CHRNA9: variants seen among roughly 807,000 people sequenced by gnomAD.
The protein encoded by CHRNA9 is neuronal acetylcholine receptor subunit alpha-9.
Under a neutral mutation model 36.8 loss-of-function variants are expected in CHRNA9, and 24 were observed. That is an observed-to-expected ratio of 0.65 (90% CI 0.47 to 0.92). The LOEUF (loss-of-function observed/expected upper bound fraction) is 0.92. Among genes scored for constraint, CHRNA9 ranks in the 40% least tolerant of loss-of-function variants. The probability of loss-of-function intolerance (pLI) is 0.00; values close to 1 mark genes in which losing one functional copy is unlikely to be tolerated. For missense variants in CHRNA9, 610 were observed against 601.2 expected (o/e 1.01, Z -0.15); for synonymous variants, 231 against 231.8 (o/e 1.00, Z 0.03).
At chr4:40,344,252 T>C (rs1712575784) in intron 3 of CHRNA9, among the ~76,000 whole-genome samples, 1 of 152,212 alleles carries the variant, frequency 6.6e-6, no homozygotes, top group African/African-American at 2.4e-5. Context: ...CATTAGGGGC[T>C]GGGCACGGTG....
intron 3 of CHRNA9, among the ~76,000 whole-genome samples, chr4:40,348,353 A>T (rs183888464): frequency 6.6e-6 from 1 of 152,362 alleles, no homozygotes; most frequent in Admixed American, 6.5e-5. Flanking sequence ...GCAAAAGAAG[A>T]TATATCTGGA....
chr4:40,344,501 C>T (rs1163132019), intron 3 of CHRNA9, among the ~76,000 whole-genome samples: 2 of 151,426 alleles, frequency 1.3e-5, no homozygotes, highest in African/African-American at 4.9e-5. Context: ...ACCACTGCAC[C>T]CCAGCCTGGG....
chr4:40,349,010 A>G lies in CHRNA9; in HGVS notation c.494A>G (p.Asp165Gly). The change falls in exon 4 of 5, where the codon GAC becomes GGC. Residue 165 changes from aspartate to glycine, a missense_variant. By Grantham distance (94) the Asp-to-Gly change is moderately conservative. Transcript: ENST00000310169. ...CVVDVTYFPF[D>G]NQQCNLTFGS... The stretch of plus-strand genomic sequence containing the variant: ...GTGGATGTCACCTACTTCCCTTTTG[A>G]CAACCAGCAGTGCAACCTGACTTTT... 3.1e-6 allele frequency: 5 copies of G among 1,614,218 alleles called. No individual in the cohort carries two copies. Among genetic ancestry groups the G allele is most frequent in the Non-Finnish European group, 4.2e-6 (5 of 1,180,030 alleles).
intron 3 of CHRNA9, 148 bp from the exon 4 acceptor site, chr4:40,348,734 T>C (rs1472960365): frequency 7.2e-6 from 5 of 692,374 alleles, no homozygotes; most frequent in Admixed American, 5.6e-5. Context: ...AAATTAGAGT[T>C]GATTCCAGAC....
intron 4 of CHRNA9, among the ~76,000 whole-genome samples, chr4:40,350,242 T>A (rs1712763672): frequency 6.6e-6 from 1 of 152,164 alleles, no homozygotes; most frequent in African/African-American, 2.4e-5. Flanking sequence ...ATTTAGCAAC[T>A]TGGCCGAGAT....
At chr4:40,351,493 G>A (rs1712804235) in intron 4 of CHRNA9, among the ~76,000 whole-genome samples, 1 of 151,928 alleles carries the variant, frequency 6.6e-6, no homozygotes, top group South Asian at 2.1e-4. Context: ...ATCTTTTTAG[G>A]AAAAGTGCCC....
At chr4:40,341,845 C>G (rs1712509944) in intron 3 of CHRNA9, among the ~76,000 whole-genome samples, 1 of 152,138 alleles carries the variant, frequency 6.6e-6, no homozygotes, top group Non-Finnish European at 1.5e-5. Context: ...ACAAAGTGAT[C>G]CTCTCACTTC....
Position 40,349,290 on chromosome 4 carries a change from T to C in CHRNA9, c.774T>C (p.Ser258=). The C allele has an allele frequency of 1.9e-6, 3 of 1,614,012 alleles. No homozygotes were observed. The Admixed American group carries it at 5.0e-5, about 27-fold the overall frequency. Residue 258 remains serine (S), a synonymous_variant, in exon 4 of 5, where the codon AGT becomes AGC. Transcript: ENST00000310169. ...TCATATCTTTTCTGGCTCCTCTGAG[T>C]TTTTATCTCCCAGCAGCCTCCGGAG... The part of the protein sequence containing the change: ...CVLISFLAPL[S]FYLPAASGEK...
chr4:40,339,303 A>G (rs1249710688), intron 3 of CHRNA9, among the ~76,000 whole-genome samples: 2 of 143,070 alleles, frequency 1.4e-5, no homozygotes, highest in African/African-American at 2.6e-5. Flanking sequence ...AAAAAAAAAG[A>G]AAGAAAAAAG....
In CHRNA9 at chr4:40,349,020, G is replaced by C. The variant is rs1314404497; in HGVS notation, c.504G>C (p.Gln168His). ...CCTACTTCCCTTTTGACAACCAGCA[G>C]TGCAACCTGACTTTTGGTTCCTGGA... is the stretch of plus-strand genomic sequence containing the variant. ...DVTYFPFDNQ[Q>H]CNLTFGSWTY... Residue 168 changes from glutamine (Q) to histidine (H), a missense_variant, in exon 4 of 5, where the codon CAG becomes CAC. Transcript: ENST00000310169. The C allele has an allele frequency of 1.9e-6, 3 of 1,614,070 alleles. No individual in the cohort carries two copies. Among genetic ancestry groups the C allele is most frequent in the African/African-American group, 2.7e-5 (2 of 74,920 alleles).
At chr4:40,350,786 A>G (rs555764188) in intron 4 of CHRNA9, among the ~76,000 whole-genome samples, 2 of 151,924 alleles carry the variant, frequency 1.3e-5, no homozygotes, top group South Asian at 4.2e-4. Flanking sequence ...AAGGAGATGT[A>G]TTGGCATTTT....
At chr4:40,353,854 C>T in intron 4 of CHRNA9, 125 bp from the exon 5 acceptor site, 1 of 890,676 alleles carries the variant, frequency 1.1e-6, no homozygotes, top group African/African-American at 1.7e-5. Flanking sequence ...ATGATGTTCA[C>T]ACAACAGCAA....
In CHRNA9 at chr4:40,354,251, T is replaced by C; in HGVS notation, c.1171T>C (p.Ser391Pro). 1.9e-6 allele frequency: 3 copies of C among 1,614,200 alleles called. No homozygotes were observed. The African/African-American group carries it at 4.0e-5, about 22-fold the overall frequency. The part of the protein sequence containing the change: ...NLKAARNKDL[S>P]RKKDMNKRLK... ...GAAAGCAGCCAGGAACAAAGACCTT[T>C]CCAGAAAGAAGGACATGAACAAACG... The change falls in exon 5 of 5, where the codon TCC (serine) becomes CCC (proline). Residue 391 changes from serine (S) to proline (P), a missense_variant. By Grantham distance (74) the Ser-to-Pro change is moderately conservative. Transcript: ENST00000310169.
At position 40,354,310 on chromosome 4, in the gene CHRNA9, C is replaced by A. The variant is rs1481883054; in HGVS notation, c.1230C>A (p.Asn410Lys). The change falls in exon 5 of 5, where the codon AAC (asparagine) becomes AAA (lysine). Residue 410 changes from asparagine (N) to lysine (K), a missense_variant. Coordinates refer to ENST00000310169, the MANE Select transcript of CHRNA9 (RefSeq NM_017581.4). ...ACGACCTGGGCTGCCAGGGTAAGAA[C>A]CCTCAGGAGGCCGAGAGTTACTGTG... ...LKNDLGCQGK[N>K]PQEAESYCAQ... is the part of the protein sequence containing the mutation. 6.2e-7 allele frequency: 1 copy of A among 1,614,174 alleles called. No homozygotes were observed. Among genetic ancestry groups the A allele is most frequent in the South Asian group, 1.1e-5 (1 of 91,078 alleles).
intron 3 of CHRNA9, among the ~76,000 whole-genome samples, chr4:40,346,796 A>ATAATT (rs1712648596): frequency 2.6e-5 from 4 of 151,848 alleles, no homozygotes; most frequent in Admixed American, 2.6e-4. Context: ...ATAGACATAT[A>ATAATT]TTATTTTATT....
Position 40,341,869 on chromosome 4 carries a change from G to T in CHRNA9, c.365+4505G>T, listed in dbSNP as rs561112532. 3.3e-5 allele frequency among the ~76,000 whole-genome samples: 5 copies of T among 152,302 alleles called. No homozygotes were observed. In the East Asian group the frequency reaches 9.6e-4, roughly 29 times the overall value. On this transcript the variant is annotated intron_variant, in intron 3 of 4. Coordinates refer to ENST00000310169, the MANE Select transcript of CHRNA9 (RefSeq NM_017581.4). ...TCCTCTCACTTCAGTCTCCTGAGTA[G>T]CTGGGACTACAGGTATGCACTACCA...
intron 2 of CHRNA9, among the ~76,000 whole-genome samples, chr4:40,336,301 T>C (rs374230292): frequency 2.6e-5 from 4 of 152,158 alleles, no homozygotes; most frequent in African/African-American, 9.6e-5. Flanking sequence ...CCGGGGTCTG[T>C]GGGGAGGACG....
intron 3 of CHRNA9, among the ~76,000 whole-genome samples, chr4:40,341,366 C>T (rs958006811): frequency 1.3e-5 from 2 of 151,828 alleles, no homozygotes; most frequent in Admixed American, 6.6e-5. Flanking sequence ...CTTACTGCAG[C>T]CTTGACCTCC....
In CHRNA9 at chr4:40,335,892, A is replaced by G; in HGVS notation, c.130A>G (p.Asn44Asp). The G allele has an allele frequency of 6.2e-7, 1 of 1,611,614 alleles. No individual in the cohort carries two copies. Among genetic ancestry groups the G allele is most frequent in the Admixed American group, 1.7e-5 (1 of 60,020 alleles). ...LFNDLFEDYSNALRPVEDTDK... is the reference protein window; with the variant it reads ...LFNDLFEDYSDALRPVEDTDK... ...TAATGACCTTTTTGAAGATTATTCT[A>G]ATGCTCTTCGTCCAGTGGAAGATAC... The change falls in exon 2 of 5, where the codon AAT (asparagine) becomes GAT (aspartate). Residue 44 changes from asparagine (N) to aspartate (D), a missense_variant. Transcript: ENST00000310169.
Sources: gnomAD v4.1 joint callset for allele counts (sites outside exome capture counted in the v4.1 genomes callset) on GRCh38, gnomAD v4.1.1 for gene constraint, MANE v1.5 for transcripts, NCBI Gene and HGNC (gene_info 2026-07-23, HGNC 2026-07-21) for gene names.